CDH12: variants seen among roughly 807,000 people sequenced by gnomAD.
CDH12 encodes cadherin-12.
In CDH12, 41 loss-of-function variants were observed where a neutral mutation model predicts 74.1. The observed-to-expected ratio is 0.55, with a 90% CI of 0.43 to 0.72. The LOEUF (loss-of-function observed/expected upper bound fraction) is 0.72, where lower values mean the gene tolerates loss of function less well. Among genes scored for constraint, CDH12 ranks in the 30% least tolerant of loss-of-function variants. The pLI, the probability that CDH12 is intolerant of heterozygous loss-of-function variation, is 0.00. For missense variants in CDH12, 945 were observed against 977.2 expected (o/e 0.97, Z 0.44); for synonymous variants, 399 against 355.0 (o/e 1.12, Z -1.39).
At chr5:22,797,074 G>A (rs1359590687) in intron 1 of CDH12, among the ~76,000 whole-genome samples, 1 of 150,010 alleles carries the variant, frequency 6.7e-6, no homozygotes, top group African/African-American at 2.4e-5. Context: ...TTTGTGTCAC[G>A]CTCAAATTCC....
At chr5:21,984,700 G>T (rs538558616) in intron 5 of CDH12, among the ~76,000 whole-genome samples, 81 of 152,218 alleles carry the variant, frequency 5.3e-4, no homozygotes, top group African/African-American at 1.9e-3. Flanking sequence ...AAGGTGTTTG[G>T]GAGGTACACC....
Position 22,250,056 on chromosome 5 carries a change from A to C in CDH12, c.-332-37413T>G, listed in dbSNP as rs755729994. Among the ~76,000 whole-genome samples the C allele has an allele frequency of 1.8e-3, 278 of 150,550 alleles. 3 individuals carry two copies. Among genetic ancestry groups the C allele is most frequent in the Non-Finnish European group, 1.8e-3 (122 of 66,844 alleles). On this transcript the variant is annotated intron_variant, in intron 3 of 14. Transcript: ENST00000382254. ...GTAGGCTGGTGGGGAAGTATTGCAGAAAAAACTGAACAGAATTTTTAAAGA... is the reference window on the plus strand; with the variant it reads ...GTAGGCTGGTGGGGAAGTATTGCAGCAAAAACTGAACAGAATTTTTAAAGA...
chr5:22,075,681 G>A (rs759898191), intron 5 of CDH12, among the ~76,000 whole-genome samples: 2 of 151,816 alleles, frequency 1.3e-5, no homozygotes, highest in East Asian at 3.9e-4. Flanking sequence ...TAAAGCTTTG[G>A]GTCAACAGAA....
intron 3 of CDH12, among the ~76,000 whole-genome samples, chr5:22,259,850 A>C (rs1244858918): frequency 6.6e-6 from 1 of 152,060 alleles, no homozygotes; most frequent in Admixed American, 6.6e-5. Context: ...CGAATTGAGA[A>C]TCCTGAGATC....
intron 6 of CDH12, among the ~76,000 whole-genome samples, chr5:21,940,358 G>C (rs1755274880): frequency 6.6e-6 from 1 of 152,118 alleles, no homozygotes; most frequent in African/African-American, 2.4e-5. Context: ...GTCTACTTTT[G>C]TTTAAAACGT....
Position 21,854,754 on chromosome 5 carries a change from T to A in CDH12, c.563A>T (p.Asp188Val). The change falls in exon 7 of 15, where the codon GAT (aspartate) becomes GTT (valine). Residue 188 changes from aspartate to valine, a missense_variant. By Grantham distance (152) the Asp-to-Val change is radical (BLOSUM62 -3). Transcript: ENST00000382254. Reference sequence around the variant, plus strand: ...GGCACTGTTTCCATAGGTCGGGTCATCTGCATCTGTGGCCTTGACCTGGAG... The same window carrying A: ...GGCACTGTTTCCATAGGTCGGGTCAACTGCATCTGTGGCCTTGACCTGGAG... ...YVLQVKATDADDPTYGNSARV... is the reference protein window; with the variant it reads ...YVLQVKATDAVDPTYGNSARV... The A allele has an allele frequency of 6.2e-7, 1 of 1,609,434 alleles. No individual in the cohort carries two copies. The highest frequency in any genetic ancestry group is 8.5e-7 in the Non-Finnish European group (1 of 1,176,930).
In CDH12 at chr5:21,817,125, G is replaced by A; in HGVS notation, c.822C>T (p.Phe274=). The change falls in exon 9 of 15, where the codon TTC becomes TTT. Residue 274 remains phenylalanine, a synonymous_variant. Coordinates refer to ENST00000382254, the MANE Select transcript of CDH12 (RefSeq NM_004061.5). ...DNPPRFPKSI[F]HLKVPESSPI... is the part of the protein sequence containing the mutation. ...GGGAAGACTCAGGAACTTTCAAGTG[G>A]AAGATGCCTGATAAGACATATAAAA... 3 of 1,605,742 alleles carry A rather than the reference G, an allele frequency of 1.9e-6. No individual in the cohort carries two copies. Among genetic ancestry groups the A allele is most frequent in the Non-Finnish European group, 1.7e-6 (2 of 1,175,302 alleles).
chr5:21,880,572 T>TTTCCTTCCTTCCTTCCTTCC (rs70957076), intron 6 of CDH12, among the ~76,000 whole-genome samples: 16 of 12,948 alleles, frequency 1.2e-3, no homozygotes, highest in South Asian at 7.5e-3. Context: ...CCCTTCTTTC[T>TTTCCTTCCTTCCTTCCTTCC]TTCCTTCCTT....
intron 5 of CDH12, among the ~76,000 whole-genome samples, chr5:21,998,115 T>A (rs1188174517): frequency 6.6e-6 from 1 of 152,102 alleles, no homozygotes; most frequent in Non-Finnish European, 1.5e-5. Context: ...GAGTATATAT[T>A]GACCTTCATT....
chr5:22,238,700 G>A (rs1752641961), intron 3 of CDH12, among the ~76,000 whole-genome samples: 1 of 152,188 alleles, frequency 6.6e-6, no homozygotes, highest in South Asian at 2.1e-4. Context: ...GCTATAACAA[G>A]CCCAAGTTCT....
intron 3 of CDH12, among the ~76,000 whole-genome samples, chr5:22,280,734 G>T (rs529126640): frequency 1.8e-4 from 27 of 152,204 alleles, no homozygotes; most frequent in African/African-American, 6.5e-4. Context: ...ATAATTAATA[G>T]CTTACCAATC....
chr5:22,776,315 A>T (rs1333236218), intron 1 of CDH12, among the ~76,000 whole-genome samples: 2 of 152,168 alleles, frequency 1.3e-5, no homozygotes, highest in Non-Finnish European at 2.9e-5. Flanking sequence ...TTATTTAATA[A>T]TTAATTCAAC....
intron 3 of CDH12, among the ~76,000 whole-genome samples, chr5:22,288,596 T>A (rs1186019991): frequency 1.3e-5 from 2 of 152,220 alleles, no homozygotes; most frequent in African/African-American, 4.8e-5. Flanking sequence ...GACTAATCTA[T>A]GTGAGCTGCC....
At chr5:22,626,839 A>G (rs529757539) in intron 1 of CDH12, among the ~76,000 whole-genome samples, 1 of 152,336 alleles carries the variant, frequency 6.6e-6, no homozygotes, top group East Asian at 1.9e-4. Context: ...CAATTTAAAG[A>G]ATCTGAGGAA....
intron 4 of CDH12, among the ~76,000 whole-genome samples, chr5:22,155,981 G>A (rs1747998550): frequency 1.3e-5 from 2 of 152,232 alleles, no homozygotes; most frequent in South Asian, 2.1e-4. Context: ...GTCTGATATG[G>A]GAGGTTAAGT....
chr5:22,227,692 T>C (rs904847699), intron 3 of CDH12, among the ~76,000 whole-genome samples: 6 of 152,140 alleles, frequency 3.9e-5, no homozygotes, highest in African/African-American at 1.4e-4. Context: ...ACTTCAAAGA[T>C]ATTAAAACAA....
chr5:22,415,524 C>T lies in CDH12; in HGVS notation c.-427-10173G>A, dbSNP rs568723561. Among the ~76,000 whole-genome samples the T allele has an allele frequency of 2.6e-5, 4 of 152,296 alleles. No individual in the cohort carries two copies. In the South Asian group the frequency reaches 8.3e-4, roughly 32 times the overall value. On this transcript the variant is annotated intron_variant, in intron 2 of 14. Transcript: ENST00000382254. ...GTTCTTACATAGTGTGATTTGTCCTCTTTCTTGCTGTTTTGGGATTCCTAT... is the reference window on the plus strand; with the variant it reads ...GTTCTTACATAGTGTGATTTGTCCTTTTTCTTGCTGTTTTGGGATTCCTAT...
At chr5:22,696,523 A>G (rs940006756) in intron 1 of CDH12, among the ~76,000 whole-genome samples, 4 of 152,314 alleles carry the variant, frequency 2.6e-5, no homozygotes, top group African/African-American at 7.2e-5. Context: ...TTTTAGTATT[A>G]ATACATGTTT....
intron 2 of CDH12, among the ~76,000 whole-genome samples, chr5:22,447,263 CTTCTTT>C (rs1415301750): frequency 6.6e-6 from 1 of 151,884 alleles, no homozygotes; most frequent in Non-Finnish European, 1.5e-5. Flanking sequence ...TTACATTATT[CTTCTTT>C]TTCTTCTTCT....
Sources: allele counts gnomAD v4.1 joint callset (sites outside exome capture counted in the v4.1 genomes callset), GRCh38; gene constraint gnomAD v4.1.1; transcripts MANE v1.5; gene names NCBI Gene and HGNC (gene_info 2026-07-23, HGNC 2026-07-21).